The following ZSWIM2 variants were observed in gnomAD, a reference collection of about 807,000 sequenced individuals.
ZSWIM2 encodes the protein E3 ubiquitin-protein ligase ZSWIM2.
In ZSWIM2, 38 loss-of-function variants were observed where a neutral mutation model predicts 48.4. The observed-to-expected ratio is 0.79, with a 90% CI of 0.61 to 1.03. The LOEUF (loss-of-function observed/expected upper bound fraction) is 1.03. ZSWIM2 is among the 50% of genes least tolerant of loss of function. ZSWIM2 has a pLI of 0.00. For missense variants in ZSWIM2, 776 were observed against 730.2 expected (o/e 1.06, Z -0.72); for synonymous variants, 240 against 251.3 (o/e 0.96, Z 0.42).
intron 5 of ZSWIM2, among the ~76,000 whole-genome samples, chr2:186,836,657 G>A (rs1691798482): frequency 1.3e-5 from 2 of 152,072 alleles, no homozygotes; most frequent in Admixed American, 6.6e-5. Flanking sequence ...TTAATGTACT[G>A]TTAACTTAAA....
chr2:186,833,623 G>A (rs1379870211), intron 6 of ZSWIM2, among the ~76,000 whole-genome samples: 2 of 152,088 alleles, frequency 1.3e-5, no homozygotes, highest in Non-Finnish European at 2.9e-5. Flanking sequence ...TTGGTTTTAC[G>A]TTATAAGCCA....
At chr2:186,843,830 G>A (rs1390999793) in intron 3 of ZSWIM2, among the ~76,000 whole-genome samples, 1 of 151,488 alleles carries the variant, frequency 6.6e-6, no homozygotes, top group South Asian at 2.1e-4. Context: ...AAAAAAATAT[G>A]TAGAGTGAAA....
chr2:186,831,401 TTA>T (rs55961206), intron 7 of ZSWIM2, among the ~76,000 whole-genome samples: 27,326 of 146,882 alleles, frequency 0.19, 3,788 homozygotes, highest in African/African-American at 0.43. Context: ...TAAATATATA[TTA>T]TATATATATA....
At chr2:186,833,726 T>C (rs1691744561) in intron 6 of ZSWIM2, among the ~76,000 whole-genome samples, 1 of 152,178 alleles carries the variant, frequency 6.6e-6, no homozygotes, top group African/African-American at 2.4e-5. Context: ...TCATCAGATG[T>C]TTCTTATAGT....
chr2:186,844,653 A>G (rs1691963086), intron 3 of ZSWIM2, 64 bp downstream of exon 3: 3 of 1,431,754 alleles, frequency 2.1e-6, no homozygotes, highest in Non-Finnish European at 2.8e-6. Flanking sequence ...ACATTCTTAT[A>G]TTTGTTAACT....
intron 5 of ZSWIM2, among the ~76,000 whole-genome samples, chr2:186,835,484 T>C (rs1431084798): frequency 6.7e-6 from 1 of 149,358 alleles, no homozygotes; most frequent in Non-Finnish European, 1.5e-5. Flanking sequence ...TATTACTCTT[T>C]GTACATACAG....
intron 3 of ZSWIM2, among the ~76,000 whole-genome samples, chr2:186,843,291 T>C (rs1430472143): frequency 2.0e-5 from 3 of 151,548 alleles, no homozygotes; most frequent in Non-Finnish European, 4.4e-5. Flanking sequence ...GAAAACAATA[T>C]GTATAAAACC....
intron 3 of ZSWIM2, among the ~76,000 whole-genome samples, chr2:186,842,186 A>G (rs1691915851): frequency 6.6e-6 from 1 of 151,380 alleles, no homozygotes; most frequent in Non-Finnish European, 1.5e-5. Flanking sequence ...TACAAGTAAC[A>G]TTCCCTCCAC....
Position 186,829,829 on chromosome 2 carries a change from A to G in ZSWIM2, c.993T>C (p.Ile331=). ...HIVRSLPLQL[I]TKNSKLLAPG... is the part of the protein sequence containing the mutation. ...GAGCAAGCAGCTTACTATTCTTAGT[A>G]ATCAGTTGGAGAGGCAGTGATCTTA... The change falls in exon 8 of 9, where the codon ATT becomes ATC. Residue 331 remains isoleucine, a synonymous_variant. Coordinates refer to ENST00000295131, the MANE Select transcript of ZSWIM2 (RefSeq NM_182521.3). 1 of 1,613,796 alleles carries G rather than the reference A, an allele frequency of 6.2e-7. No homozygotes were observed. The highest frequency in any genetic ancestry group is 8.5e-7 in the Non-Finnish European group (1 of 1,179,796).
intron 4 of ZSWIM2, among the ~76,000 whole-genome samples, chr2:186,837,893 T>A (rs925940114): frequency 5.3e-5 from 8 of 151,298 alleles, no homozygotes; most frequent in Admixed American, 1.3e-4. Context: ...GAATAATAAT[T>A]ATTATTATTT....
intron 7 of ZSWIM2, 137 bp downstream of exon 7, chr2:186,832,983 G>A (rs1691729878): frequency 1.1e-5 from 4 of 367,972 alleles, no homozygotes; most frequent in African/African-American, 4.4e-5. Context: ...TCAACTGGAT[G>A]GTACAATGCC....
Position 186,849,023 on chromosome 2 carries a change from C to T in ZSWIM2, c.108G>A (p.Glu36=). The T allele has an allele frequency of 1.2e-6, 2 of 1,614,192 alleles. No homozygotes were observed. The highest frequency in any genetic ancestry group is 2.2e-5 in the South Asian group (2 of 91,084). ...ALSSSIYLLR[E]MGPTGFLLRE... ...TCAGCAGGAAGCCAGTGGGGCCCAT[C>T]TCTCGTAGGAGGTAGATGCTGCTAC... The change falls in exon 1 of 9, where the codon GAG becomes GAA. Residue 36 remains glutamate (E), a synonymous_variant. Transcript: ENST00000295131.
chr2:186,828,057 C>A lies in ZSWIM2; in HGVS notation c.1829G>T (p.Arg610Ile), dbSNP rs1691628232. 2 of 1,613,182 alleles carry A rather than the reference C, an allele frequency of 1.2e-6. No homozygotes were observed. Among genetic ancestry groups the A allele is most frequent in the East Asian group, 4.5e-5 (2 of 44,836 alleles). Residue 610 changes from arginine to isoleucine, a missense_variant, in exon 9 of 9, where the codon AGA (arginine) becomes ATA (isoleucine). Physicochemically the swap from Arg to Ile is moderately conservative, Grantham distance 97. Coordinates refer to ENST00000295131, the MANE Select transcript of ZSWIM2 (RefSeq NM_182521.3). ...ATTTACAGAGTGAGACACAGGCTGT[C>A]TTGATAGATGACTACATTTTCGTGT... ...EITRKCSHLS[R>I]QPVSHSVNTK...
intron 8 of ZSWIM2, 125 bp from the exon 9 acceptor site, chr2:186,828,915 T>C (rs2105815056): frequency 1.7e-6 from 1 of 580,370 alleles, no homozygotes; most frequent in East Asian, 3.2e-5. Context: ...AAATAATTAT[T>C]TATCAAGTTT....
intron 4 of ZSWIM2, 40 bp downstream of exon 4, chr2:186,838,919 T>A: frequency 6.4e-7 from 1 of 1,559,330 alleles, no homozygotes; most frequent in Non-Finnish European, 8.7e-7. Context: ...GTTTTAGAAT[T>A]TTTAATTAGT....
chr2:186,829,926 G>A (rs367691702), intron 7 of ZSWIM2, 46 bp from the exon 8 acceptor site: 5 of 1,598,826 alleles, frequency 3.1e-6, no homozygotes, highest in Non-Finnish European at 4.3e-6. Context: ...TGTTATTATA[G>A]ATCAGGAAGT....
intron 7 of ZSWIM2, among the ~76,000 whole-genome samples, chr2:186,830,703 GTC>G (rs1691684100): frequency 4.2e-5 from 2 of 47,304 alleles, no homozygotes; most frequent in Non-Finnish European, 8.1e-5. Context: ...TATGTTAATA[GTC>G]TAACTCTAAA....
chr2:186,836,731 T>C (rs1292259542), intron 5 of ZSWIM2, among the ~76,000 whole-genome samples: 4 of 152,142 alleles, frequency 2.6e-5, no homozygotes, highest in African/African-American at 4.8e-5. Flanking sequence ...ATCGTGAGAA[T>C]TGTGGGAAAG....
At chr2:186,844,780 A>C in intron 2 of ZSWIM2, 23 bp from the exon 3 acceptor site, 4 of 1,543,968 alleles carry the variant, frequency 2.6e-6, no homozygotes, top group Non-Finnish European at 3.5e-6. Flanking sequence ...AGTAGAAAAA[A>C]AATCAAGACA....
Sources: allele counts gnomAD v4.1 joint callset (sites outside exome capture counted in the v4.1 genomes callset), GRCh38; gene constraint gnomAD v4.1.1; transcripts MANE v1.5; gene names NCBI Gene and HGNC (gene_info 2026-07-23, HGNC 2026-07-21).